Variants in AGO3 observed in about 807,000 individuals in gnomAD.
AGO3 encodes protein argonaute-3.
In AGO3, 16 loss-of-function variants were observed where a neutral mutation model predicts 105.5. The ratio of observed to expected loss-of-function variants is 0.15; its 90% CI spans 0.10 to 0.23. AGO3 has a LOEUF of 0.23. AGO3 is among the 10% of genes least tolerant of loss of function. The probability of loss-of-function intolerance (pLI) is 1.00; values close to 1 mark genes in which losing one functional copy is unlikely to be tolerated. For missense variants in AGO3, 534 were observed against 1,088.0 expected (o/e 0.49, Z 7.16); for synonymous variants, 340 against 367.3 (o/e 0.93, Z 0.85).
At chr1:36,034,150 A>G (rs1641906341) in intron 12 of AGO3, 24 bp from the exon 13 acceptor site, 2 of 1,488,404 alleles carry the variant, frequency 1.3e-6, no homozygotes, top group Non-Finnish European at 1.8e-6. Flanking sequence ...TTTTCTGACT[A>G]GAGGTTTTGC....
chr1:35,967,525 G>T (rs1646796879), intron 3 of AGO3, among the ~76,000 whole-genome samples: 1 of 151,624 alleles, frequency 6.6e-6, no homozygotes, highest in South Asian at 2.1e-4. Context: ...AGTGATTCTT[G>T]TACCTCAGCG....
chr1:35,937,065 G>A (rs1646162425), intron 1 of AGO3, among the ~76,000 whole-genome samples: 1 of 152,032 alleles, frequency 6.6e-6, no homozygotes, highest in African/African-American at 2.4e-5. Flanking sequence ...TGCAAAATGG[G>A]CTCTTACTAA....
At chr1:36,014,504 G>C (rs1640787599) in intron 11 of AGO3, among the ~76,000 whole-genome samples, 1 of 150,714 alleles carries the variant, frequency 6.6e-6, no homozygotes, top group South Asian at 2.2e-4. Context: ...AGGCACAGTG[G>C]CTCACACCTG....
intron 5 of AGO3, among the ~76,000 whole-genome samples, chr1:35,995,551 TA>T (rs930912208): frequency 2.6e-5 from 4 of 152,126 alleles, no homozygotes; most frequent in African/African-American, 9.7e-5. Context: ...GTATTTGTAT[TA>T]AAAAAATTAT....
rs1255352658 is a variant in AGO3, at chr1:36,059,613, T to C, written c.*3868T>C. The C allele has an allele frequency of 6.6e-6, 1 of 151,626 alleles. No individual in the cohort carries two copies. The highest frequency in any genetic ancestry group is 6.6e-5 in the Admixed American group (1 of 15,144). The allele number at this position is 151,626 out of a possible 1,614,324, so 9.4% of individuals were successfully genotyped here. ...GAGTTTAATGTATATTCTTGATGGT[T>C]AATGTGTCTACATAAAGTGCTGATA... On this transcript the variant is annotated 3_prime_UTR_variant, in exon 19 of 19. Coordinates refer to ENST00000373191, the MANE Select transcript of AGO3 (RefSeq NM_024852.4).
At chr1:36,048,702 C>T (rs374681091) in intron 17 of AGO3, among the ~76,000 whole-genome samples, 24 of 152,208 alleles carry the variant, frequency 1.6e-4, no homozygotes, top group African/African-American at 5.8e-4. Context: ...TGTAGACTGG[C>T]TAAATGAATT....
At chr1:35,953,655 A>ACT (rs1646513450) in intron 2 of AGO3, among the ~76,000 whole-genome samples, 2 of 111,704 alleles carry the variant, frequency 1.8e-5, no homozygotes, top group South Asian at 5.1e-4. Flanking sequence ...CCTCCCAAGT[A>ACT]GCATACCACC....
intron 1 of AGO3, among the ~76,000 whole-genome samples, chr1:35,938,759 A>C (rs1291235817): frequency 6.6e-6 from 1 of 152,218 alleles, no homozygotes; most frequent in Non-Finnish European, 1.5e-5. Flanking sequence ...TATTCCATGA[A>C]TATTAAAGAA....
intron 5 of AGO3, among the ~76,000 whole-genome samples, chr1:35,988,565 A>G (rs1377620613): frequency 2.0e-5 from 3 of 151,744 alleles, no homozygotes; most frequent in Admixed American, 6.6e-5. Context: ...TTTATTTAAC[A>G]TAATATCCTC....
rs1271789184 is a variant in AGO3, at chr1:36,063,528, G to A, written c.*7783G>A. On this transcript the variant is annotated 3_prime_UTR_variant, in exon 19 of 19. Coordinates refer to ENST00000373191, the MANE Select transcript of AGO3 (RefSeq NM_024852.4). ...CTTTTCCCCCATAATTTGTTATATG[G>A]AAGATTTGCTACCCTGATCTTTTCC... is the stretch of plus-strand genomic sequence containing the variant. 7 of 152,116 alleles carry A rather than the reference G, an allele frequency of 4.6e-5. No homozygotes were observed. The highest frequency in any genetic ancestry group is 1.0e-4 in the Non-Finnish European group (7 of 68,016). The allele number at this position is 152,116 out of a possible 1,614,324, so 9.4% of individuals were successfully genotyped here.
Position 35,940,215 on chromosome 1 carries a change from C to T in AGO3, c.20-5477C>T, listed in dbSNP as rs574001540. On this transcript the variant is annotated intron_variant, in intron 1 of 18. Coordinates refer to ENST00000373191, the MANE Select transcript of AGO3 (RefSeq NM_024852.4). The stretch of plus-strand genomic sequence containing the variant: ...CTGAGTAGCTGGGATTACAGGCATG[C>T]GCCATGACGCCCGGCTAATTTTTGT... Among the ~76,000 whole-genome samples the T allele has an allele frequency of 3.5e-4, 53 of 152,128 alleles. No individual in the cohort carries two copies. In the South Asian group the frequency reaches 3.7e-3, roughly 11 times the overall value.
At chr1:35,959,053 G>A (rs1362494083) in intron 2 of AGO3, among the ~76,000 whole-genome samples, 2 of 152,008 alleles carry the variant, frequency 1.3e-5, no homozygotes, top group Non-Finnish European at 2.9e-5. Flanking sequence ...AAAGTGAGAT[G>A]GAGGTGGATC....
In AGO3 at chr1:36,032,996, G is replaced by A. The variant is rs192387355; in HGVS notation, c.1592-1178G>A. Among the ~76,000 whole-genome samples the A allele has an allele frequency of 1.4e-3, 213 of 152,262 alleles. 2 individuals are homozygous for A. Among genetic ancestry groups the A allele is most frequent in the Admixed American group, 5.6e-3 (85 of 15,296 alleles). On this transcript the variant is annotated intron_variant, in intron 12 of 18. Transcript: ENST00000373191. The stretch of plus-strand genomic sequence containing the variant: ...AAAAAAAAAAAATTATCAGGGCATG[G>A]TGGCAGGTGCCTGTAATCCCAGCTA...
intron 5 of AGO3, among the ~76,000 whole-genome samples, chr1:35,989,250 A>C (rs1647389424): frequency 6.6e-6 from 1 of 152,170 alleles, no homozygotes; most frequent in Non-Finnish European, 1.5e-5. Context: ...AATTCTCTCT[A>C]ATTGTGTGAT....
intron 2 of AGO3, among the ~76,000 whole-genome samples, chr1:35,949,130 A>T: frequency 6.6e-6 from 1 of 152,004 alleles, no homozygotes; most frequent in Non-Finnish European, 1.5e-5. Context: ...ATTAGTAGAG[A>T]TGAGGTTTCT....
Position 36,065,805 on chromosome 1 carries a change from A to G in AGO3, c.*10060A>G, listed in dbSNP as rs1343016858. 2.0e-5 allele frequency: 3 copies of G among 152,386 alleles called. No individual in the cohort carries two copies. Among genetic ancestry groups the G allele is most frequent in the Non-Finnish European group, 4.4e-5 (3 of 68,256 alleles). 9.4% of individuals were successfully genotyped at this position (152,386 alleles called of 1,614,324 possible). A position where few individuals can be genotyped will look rare whatever the true frequency, so the allele number is the denominator to read the frequency against. ...TTGTTCATGTTTAGTTCACCTCTTTAGAAAGAAAGCTTTGTGGCCAGGTGC... is the reference window on the plus strand; with the variant it reads ...TTGTTCATGTTTAGTTCACCTCTTTGGAAAGAAAGCTTTGTGGCCAGGTGC... On this transcript the variant is annotated 3_prime_UTR_variant, in exon 19 of 19. Coordinates refer to ENST00000373191, the MANE Select transcript of AGO3 (RefSeq NM_024852.4).
intron 17 of AGO3, among the ~76,000 whole-genome samples, chr1:36,053,550 C>T (rs950805010): frequency 1.3e-5 from 2 of 151,914 alleles, no homozygotes; most frequent in Non-Finnish European, 2.9e-5. Context: ...GCTGGGATTA[C>T]AGGTGTGAGC....
At position 36,061,427 on chromosome 1, in the gene AGO3, A is replaced by G. The variant is rs550860827; in HGVS notation, c.*5682A>G. 1.3e-5 allele frequency: 2 copies of G among 152,352 alleles called. No individual in the cohort carries two copies. The highest frequency in any genetic ancestry group is 1.9e-4 in the East Asian group (1 of 5,194). The allele number at this position is 152,352 out of a possible 1,614,324, so 9.4% of individuals were successfully genotyped here. A position where few individuals can be genotyped will look rare whatever the true frequency, so the allele number is the denominator to read the frequency against. ...CAAAACTAGTACTCCAGATGTTTAC[A>G]TCATTGATTAAATCTCAAGAATCTT... On this transcript the variant is annotated 3_prime_UTR_variant, in exon 19 of 19. Coordinates refer to ENST00000373191, the MANE Select transcript of AGO3 (RefSeq NM_024852.4).
Position 36,007,159 on chromosome 1 carries a change from C to T in AGO3, c.794-1531C>T, listed in dbSNP as rs558584472. On this transcript the variant is annotated intron_variant, in intron 6 of 18. Transcript: ENST00000373191. ...TGTCCCCTGGGGGACAGATTGCCCT[C>T]TGGCTAAGAACCACTGCAGTATAGG... Among the ~76,000 whole-genome samples the T allele has an allele frequency of 1.4e-4, 21 of 152,338 alleles. No individual in the cohort carries two copies. In the South Asian group the frequency reaches 2.7e-3, roughly 20 times the overall value.
Sources: gnomAD v4.1 joint callset for allele counts (sites outside exome capture counted in the v4.1 genomes callset) on GRCh38, gnomAD v4.1.1 for gene constraint, MANE v1.5 for transcripts, NCBI Gene and HGNC (gene_info 2026-07-23, HGNC 2026-07-21) for gene names.